AP3S1: variants seen among roughly 807,000 people sequenced by gnomAD.
AP3S1 encodes adaptor related protein complex 3 subunit sigma 1.
In AP3S1, 12 loss-of-function variants were observed where a neutral mutation model predicts 21.3. The observed-to-expected ratio is 0.56, with a 90% CI of 0.36 to 0.91. The LOEUF (loss-of-function observed/expected upper bound fraction) is 0.91. Ranked by LOEUF, AP3S1 falls within the 40% of genes least tolerant of loss-of-function variation. AP3S1 has a pLI of 0.01. For missense variants in AP3S1, 116 were observed against 225.0 expected, an observed-to-expected ratio of 0.52 and a Z score of 3.10; for synonymous variants, 48 against 78.4, an observed-to-expected ratio of 0.61 and a Z score of 2.05.
chr5:115,888,629 A>AT (rs1273396076), intron 3 of AP3S1, among the ~76,000 whole-genome samples: 3 of 151,852 alleles, frequency 2.0e-5, no homozygotes, highest in Non-Finnish European at 4.4e-5. Context: ...TAGTATTCAC[A>AT]TTTTTTTACA....
intron 1 of AP3S1, among the ~76,000 whole-genome samples, chr5:115,863,412 A>C (rs928768321): frequency 1.3e-5 from 2 of 151,804 alleles, no homozygotes; most frequent in Non-Finnish European, 2.9e-5. Flanking sequence ...AATAAAAATA[A>C]AAATACAAAA....
In AP3S1 at chr5:115,895,167, T is replaced by A. The variant is rs749742736; in HGVS notation, c.345+9T>A. 29 of 1,581,662 alleles carry A rather than the reference T, an allele frequency of 1.8e-5. No homozygotes were observed. In the Admixed American group the frequency reaches 4.9e-4, roughly 27 times the overall value. On this transcript the variant is annotated intron_variant, in intron 4 of 5. Coordinates refer to ENST00000316788, the MANE Select transcript of AP3S1 (RefSeq NM_001284.4). ...TTTTCCATGTAGACAAGGTACTATT[T>A]GTATTGTCACATCTAAGCTTTTTAA...
chr5:115,909,835 A>G (rs541473088), intron 5 of AP3S1, among the ~76,000 whole-genome samples: 55 of 152,294 alleles, frequency 3.6e-4, no homozygotes, highest in African/African-American at 1.2e-3. Flanking sequence ...AACTGTGTAT[A>G]CTACTGAACC....
intron 1 of AP3S1, among the ~76,000 whole-genome samples, chr5:115,850,319 G>A (rs1374181685): frequency 6.6e-6 from 1 of 152,082 alleles, no homozygotes; most frequent in Non-Finnish European, 1.5e-5. Flanking sequence ...ATATATCTTA[G>A]TGTGACATGA....
At chr5:115,863,791 G>GTGGA (rs1003663596) in intron 1 of AP3S1, among the ~76,000 whole-genome samples, 4 of 152,146 alleles carry the variant, frequency 2.6e-5, no homozygotes, top group African/African-American at 9.7e-5. Flanking sequence ...GAAGGTAAAG[G>GTGGA]ATCTAAAGCT....
chr5:115,913,804 C>T lies in AP3S1; in HGVS notation c.*314C>T, dbSNP rs1752299680. 1 of 264,250 alleles carries T rather than the reference C, an allele frequency of 3.8e-6. No homozygotes were observed. Among genetic ancestry groups the T allele is most frequent in the South Asian group, 8.5e-5 (1 of 11,826 alleles). The allele number at this position is 264,250 out of a possible 1,614,324, so 16.4% of individuals were successfully genotyped here. ...GTTTTAAAAAGTGTTTCAGATATTT[C>T]TCTAATTATGTACAACCTAAAATGT... On this transcript the variant is annotated 3_prime_UTR_variant, in exon 6 of 6. Transcript: ENST00000316788.
At chr5:115,843,462 C>T (rs868544387) in intron 1 of AP3S1, among the ~76,000 whole-genome samples, 6 of 152,166 alleles carry the variant, frequency 3.9e-5, no homozygotes, top group African/African-American at 1.4e-4. Context: ...TTTAGTATAA[C>T]TTCAATACTA....
rs192592552 is a variant in AP3S1, at chr5:115,883,813, A to C, written c.274-11274A>C. The stretch of plus-strand genomic sequence containing the variant: ...TTGGGAGTTTAAATATAGTTTTGAC[A>C]ATTTATATCAATATGAGCTTTAAAA... On this transcript the variant is annotated intron_variant, in intron 3 of 5. Coordinates refer to ENST00000316788, the MANE Select transcript of AP3S1 (RefSeq NM_001284.4). Among the ~76,000 whole-genome samples the C allele has an allele frequency of 5.1e-4, 77 of 152,356 alleles. 2 individuals carry two copies. In the East Asian group the frequency reaches 8.9e-3, roughly 18 times the overall value.
chr5:115,849,695 C>G (rs1324863649), intron 1 of AP3S1, among the ~76,000 whole-genome samples: 1 of 152,180 alleles, frequency 6.6e-6, no homozygotes, highest in Non-Finnish European at 1.5e-5. Context: ...TGATTGGTTA[C>G]TTTCTTCTCT....
At chr5:115,869,319 G>A (rs1472295215) in intron 2 of AP3S1, among the ~76,000 whole-genome samples, 3 of 152,102 alleles carry the variant, frequency 2.0e-5, no homozygotes, top group African/African-American at 7.2e-5. Flanking sequence ...AACTTAAGAA[G>A]TGTCATTCTT....
At chr5:115,892,245 G>A (rs139346995) in intron 3 of AP3S1, among the ~76,000 whole-genome samples, 30 of 152,234 alleles carry the variant, frequency 2.0e-4, no homozygotes, top group African/African-American at 6.5e-4. Context: ...CATGGGGAGC[G>A]GTTTGGAGGT....
chr5:115,896,783 A>C (rs1750785282), intron 4 of AP3S1, among the ~76,000 whole-genome samples: 1 of 152,178 alleles, frequency 6.6e-6, no homozygotes, highest in South Asian at 2.1e-4. Flanking sequence ...CTGTATCAAA[A>C]AAGAAAAAAA....
chr5:115,913,244 TG>T, intron 5 of AP3S1, 117 bp from the exon 6 acceptor site: 1 of 1,015,730 alleles, frequency 9.8e-7, no homozygotes, highest in Non-Finnish European at 1.4e-6. Flanking sequence ...AACTACCATC[TG>T]GTCCCTAAGC....
intron 3 of AP3S1, among the ~76,000 whole-genome samples, chr5:115,885,794 A>C (rs1029201694): frequency 6.6e-6 from 1 of 152,158 alleles, no homozygotes; most frequent in Non-Finnish European, 1.5e-5. Context: ...AAATTTTATC[A>C]TTTGATTTAG....
chr5:115,908,124 T>C (rs1381044928), intron 5 of AP3S1, among the ~76,000 whole-genome samples: 1 of 152,132 alleles, frequency 6.6e-6, no homozygotes, highest in African/African-American at 2.4e-5. Flanking sequence ...TAGTATCTTA[T>C]TTTGAGATTG....
intron 1 of AP3S1, among the ~76,000 whole-genome samples, chr5:115,848,347 A>G (rs1762210332): frequency 6.6e-6 from 1 of 152,220 alleles, no homozygotes; most frequent in Non-Finnish European, 1.5e-5. Context: ...AGACATTAAT[A>G]ACACAAATAA....
chr5:115,906,848 G>A (rs1166404952), intron 5 of AP3S1: 11 of 1,521,252 alleles, frequency 7.2e-6, no homozygotes, highest in Non-Finnish European at 9.7e-6. Flanking sequence ...TCCCAGACAG[G>A]ACAGGTAGAC....
intron 3 of AP3S1, among the ~76,000 whole-genome samples, chr5:115,878,384 G>C (rs1192800614): frequency 1.3e-5 from 2 of 152,184 alleles, no homozygotes; most frequent in Admixed American, 1.3e-4. Context: ...TGTATAAGGT[G>C]TAAGGAAGGG....
chr5:115,875,235 A>G (rs1382633834), intron 3 of AP3S1, among the ~76,000 whole-genome samples: 1 of 152,138 alleles, frequency 6.6e-6, no homozygotes, highest in African/African-American at 2.4e-5. Context: ...TGAATTTTAT[A>G]TGACACATTT....
Sources: gnomAD v4.1 joint callset for allele counts (sites outside exome capture counted in the v4.1 genomes callset) on GRCh38, gnomAD v4.1.1 for gene constraint, MANE v1.5 for transcripts, NCBI Gene and HGNC (gene_info 2026-07-23, HGNC 2026-07-21) for gene names.